VAT1L: variants seen among roughly 807,000 people sequenced by gnomAD.
VAT1L encodes the protein vesicle amine transport 1 like.
In VAT1L, 34 loss-of-function variants were observed where a neutral mutation model predicts 44.1. That is an observed-to-expected ratio of 0.77 (90% confidence interval 0.59 to 1.03). The LOEUF (loss-of-function observed/expected upper bound fraction) is 1.03, where lower values mean the gene tolerates loss of function less well. VAT1L is among the 50% of genes least tolerant of loss of function. The probability of loss-of-function intolerance (pLI) is 0.00; values close to 1 mark genes in which losing one functional copy is unlikely to be tolerated. For synonymous variants in VAT1L, 253 were observed against 202.2 expected (o/e 1.25, Z -2.13); for missense variants, 615 against 538.8 (o/e 1.14, Z -1.40).
chr16:77,824,484 G>A (rs539650570), intron 2 of VAT1L, among the ~76,000 whole-genome samples: 2 of 152,082 alleles, frequency 1.3e-5, no homozygotes, highest in Non-Finnish European at 1.5e-5. Context: ...GGCCAGGCAC[G>A]GTGGCTCACG....
At chr16:77,792,592 A>G (rs375574476) in intron 1 of VAT1L, among the ~76,000 whole-genome samples, 1 of 151,856 alleles carries the variant, frequency 6.6e-6, no homozygotes, top group African/African-American at 2.4e-5. Context: ...CTAAGTGGGG[A>G]CATTGAGCCT....
At chr16:77,822,443 A>AC (rs1597180869) in intron 2 of VAT1L, among the ~76,000 whole-genome samples, 1 of 151,788 alleles carries the variant, frequency 6.6e-6, no homozygotes, top group East Asian at 1.9e-4. Flanking sequence ...TCTTAATTGT[A>AC]CCCTCTCTGG....
intron 4 of VAT1L, among the ~76,000 whole-genome samples, chr16:77,867,617 G>C (rs2142446737): frequency 6.6e-6 from 1 of 152,198 alleles, no homozygotes; most frequent in South Asian, 2.1e-4. Flanking sequence ...CAGGACTTTA[G>C]GGAGGCCGAG....
intron 7 of VAT1L, among the ~76,000 whole-genome samples, chr16:77,947,084 G>A (rs2017977975): frequency 6.6e-6 from 1 of 152,190 alleles, no homozygotes; most frequent in Non-Finnish European, 1.5e-5. Flanking sequence ...CAAGTGGGAA[G>A]GACACAGGAA....
intron 5 of VAT1L, among the ~76,000 whole-genome samples, chr16:77,877,491 C>A (rs1187729679): frequency 7.9e-6 from 1 of 126,128 alleles, no homozygotes; most frequent in Non-Finnish European, 1.6e-5. Flanking sequence ...CTAGCCTGGG[C>A]GACAGAGCGG....
intron 8 of VAT1L, among the ~76,000 whole-genome samples, chr16:77,972,315 T>C (rs1025574405): frequency 4.7e-5 from 7 of 150,492 alleles, no homozygotes; most frequent in Admixed American, 1.3e-4. Flanking sequence ...GTTCCACAGA[T>C]TTTTTTTTTC....
At chr16:77,802,665 CA>C (rs2016084863) in intron 1 of VAT1L, among the ~76,000 whole-genome samples, 2 of 133,808 alleles carry the variant, frequency 1.5e-5, no homozygotes, top group African/African-American at 5.7e-5. Context: ...CACACACACA[CA>C]CACTAAAGTT....
chr16:77,874,340 G>A (rs773462506), intron 4 of VAT1L, among the ~76,000 whole-genome samples: 4 of 152,018 alleles, frequency 2.6e-5, no homozygotes, highest in Non-Finnish European at 4.4e-5. Flanking sequence ...ACAGACCCGG[G>A]CAGAAGTGAG....
At chr16:77,888,181 C>G (rs776351239) in intron 7 of VAT1L, among the ~76,000 whole-genome samples, 1 of 152,210 alleles carries the variant, frequency 6.6e-6, no homozygotes, top group Non-Finnish European at 1.5e-5. Flanking sequence ...CCACTGCAGA[C>G]CAGGCCATTC....
chr16:77,950,869 A>G (rs1248214381), intron 7 of VAT1L, among the ~76,000 whole-genome samples: 2 of 152,170 alleles, frequency 1.3e-5, no homozygotes, highest in Non-Finnish European at 1.5e-5. Context: ...ATCACTGGTA[A>G]TCAAATAATG....
intron 7 of VAT1L, among the ~76,000 whole-genome samples, chr16:77,915,066 G>A (rs556965691): frequency 7.9e-5 from 12 of 152,134 alleles, no homozygotes; most frequent in South Asian, 2.1e-4. Context: ...CGGAGGTTGC[G>A]GTGAGCCGAG....
intron 7 of VAT1L, among the ~76,000 whole-genome samples, chr16:77,968,212 T>C (rs112758767): frequency 1.3e-5 from 2 of 152,096 alleles, no homozygotes; most frequent in Admixed American, 6.5e-5. Context: ...AAGGCTGCAA[T>C]TGGGGTGTTA....
At chr16:77,940,717 A>T (rs1414402673) in intron 7 of VAT1L, among the ~76,000 whole-genome samples, 1 of 152,262 alleles carries the variant, frequency 6.6e-6, no homozygotes, top group Middle Eastern at 3.4e-3. Context: ...TAATTAATTT[A>T]AAAATAATAG....
chr16:77,865,768 T>A (rs1299067648), intron 4 of VAT1L, among the ~76,000 whole-genome samples: 2 of 152,102 alleles, frequency 1.3e-5, no homozygotes, highest in Non-Finnish European at 2.9e-5. Flanking sequence ...TTGCTGAACT[T>A]ATGAACCTGA....
intron 7 of VAT1L, among the ~76,000 whole-genome samples, chr16:77,914,135 G>C (rs571103542): frequency 6.6e-6 from 1 of 152,288 alleles, no homozygotes; most frequent in South Asian, 2.1e-4. Context: ...GCTCATACCA[G>C]CTCACAAGAG....
intron 1 of VAT1L, among the ~76,000 whole-genome samples, chr16:77,799,506 TGTGTGTGTGTGTGTGTGTGTG>T (rs1218879446): frequency 0.012 from 7 of 576 alleles, no homozygotes; most frequent in African/African-American, 0.016. Flanking sequence ...GAATACATGG[TGTGTGTGTGTGTGTGTGTGTG>T]TGTGTGTGTG....
intron 8 of VAT1L, 125 bp downstream of exon 8, chr16:77,972,058 G>A: frequency 8.6e-6 from 7 of 813,928 alleles, no homozygotes; most frequent in Non-Finnish European, 1.3e-5. Context: ...GGAGACCAGG[G>A]GTAATCAAAT....
chr16:77,906,573 G>A lies in VAT1L; in HGVS notation c.1077+21771G>A, dbSNP rs553203554. 3.9e-5 allele frequency among the ~76,000 whole-genome samples: 6 copies of A among 152,330 alleles called. No individual in the cohort carries two copies. In the South Asian group the frequency reaches 1.2e-3, roughly 32 times the overall value. On this transcript the variant is annotated intron_variant, in intron 7 of 8. Transcript: ENST00000302536. ...GAAGAGCATCTGGAAAATGAAGGAA[G>A]GATGGGTTATCAAAGGCAGCTACTG... is the stretch of plus-strand genomic sequence containing the variant.
chr16:77,911,021 ACC>A (rs1174462684), intron 7 of VAT1L, among the ~76,000 whole-genome samples: 1 of 152,210 alleles, frequency 6.6e-6, no homozygotes, highest in Non-Finnish European at 1.5e-5. Context: ...AACCCATGCA[ACC>A]TTGCTTGTAA....
Sources: gnomAD v4.1 joint callset for allele counts (sites outside exome capture counted in the v4.1 genomes callset) on GRCh38, gnomAD v4.1.1 for gene constraint, MANE v1.5 for transcripts, NCBI Gene and HGNC (gene_info 2026-07-23, HGNC 2026-07-21) for gene names.